Variants in KCNAB1 observed in about 807,000 individuals in gnomAD.
KCNAB1 encodes voltage-gated potassium channel subunit beta-1.
In KCNAB1, 35 loss-of-function variants were observed where a neutral mutation model predicts 64.6. That is an observed-to-expected ratio of 0.54 (90% CI 0.41 to 0.72). KCNAB1 has a LOEUF of 0.72. Ranked by LOEUF, KCNAB1 falls within the 30% of genes least tolerant of loss-of-function variation. The probability of loss-of-function intolerance (pLI) is 0.00; values close to 1 mark genes in which losing one functional copy is unlikely to be tolerated. For missense variants in KCNAB1, 401 were observed against 512.9 expected (o/e 0.78, Z 2.11); for synonymous variants, 177 against 183.8 (o/e 0.96, Z 0.30).
At chr3:156,309,000 T>G (rs1012085852) in intron 1 of KCNAB1, among the ~76,000 whole-genome samples, 2 of 152,196 alleles carry the variant, frequency 1.3e-5, no homozygotes, top group Non-Finnish European at 2.9e-5. Flanking sequence ...TCCCTTTTAA[T>G]TGGGGGTCCA....
chr3:156,451,778 G>GT (rs1241455199), intron 2 of KCNAB1, among the ~76,000 whole-genome samples: 2 of 151,948 alleles, frequency 1.3e-5, no homozygotes, highest in Non-Finnish European at 2.9e-5. Flanking sequence ...GCACTCTCTG[G>GT]AGTTTCCCAC....
chr3:156,147,182 T>C (rs1414746049), intron 1 of KCNAB1, among the ~76,000 whole-genome samples: 1 of 152,146 alleles, frequency 6.6e-6, no homozygotes, highest in Non-Finnish European at 1.5e-5. Flanking sequence ...CAGCATTAAA[T>C]TGTGAAGAGG....
intron 1 of KCNAB1, among the ~76,000 whole-genome samples, chr3:156,201,812 G>A (rs556596184): frequency 2.6e-5 from 4 of 152,180 alleles, no homozygotes; most frequent in East Asian, 1.9e-4. Context: ...GGGAGGCTGC[G>A]GTGTGGGGAG....
At chr3:156,525,300 C>T (rs1266736852) in intron 12 of KCNAB1, among the ~76,000 whole-genome samples, 7 of 151,412 alleles carry the variant, frequency 4.6e-5, no homozygotes, top group Non-Finnish European at 8.8e-5. Context: ...GGAGGTGGAA[C>T]ATAGTGATGG....
intron 1 of KCNAB1, among the ~76,000 whole-genome samples, chr3:156,197,125 A>C (rs1311394798): frequency 6.6e-6 from 1 of 152,164 alleles, no homozygotes; most frequent in Non-Finnish European, 1.5e-5. Context: ...TGTATGTTGA[A>C]CCAGCCTTGC....
At chr3:156,483,560 C>T (rs1322428610) in intron 8 of KCNAB1, among the ~76,000 whole-genome samples, 2 of 152,068 alleles carry the variant, frequency 1.3e-5, no homozygotes, top group Non-Finnish European at 2.9e-5. Context: ...TTACCATGCT[C>T]ATCATATAAA....
chr3:156,529,250 A>G (rs147075096), intron 12 of KCNAB1, among the ~76,000 whole-genome samples: 6 of 152,358 alleles, frequency 3.9e-5, no homozygotes, highest in African/African-American at 1.4e-4. Flanking sequence ...CACCTATTGT[A>G]TGATTCCATT....
intron 1 of KCNAB1, among the ~76,000 whole-genome samples, chr3:156,188,677 C>G (rs1039777687): frequency 2.6e-5 from 4 of 152,140 alleles, no homozygotes; most frequent in African/African-American, 9.7e-5. Flanking sequence ...CAGTATGCTT[C>G]ATCTATTCTG....
chr3:156,350,665 C>T (rs1426364480), intron 1 of KCNAB1, among the ~76,000 whole-genome samples: 1 of 152,124 alleles, frequency 6.6e-6, no homozygotes, highest in African/African-American at 2.4e-5. Context: ...GCTTCATAAC[C>T]TTTGCCTCCT....
rs761162157 is a variant in KCNAB1 at position 156,523,892 on chromosome 3, A to G, written c.1026A>G (p.Lys342=). 1.2e-6 allele frequency: 2 copies of G among 1,614,072 alleles called. No individual in the cohort carries two copies. Among genetic ancestry groups the G allele is most frequent in the South Asian group, 1.1e-5 (1 of 91,070 alleles). The change falls in exon 12 of 14, where the codon AAA becomes AAG. Residue 342 remains lysine, a synonymous_variant. Coordinates refer to ENST00000490337, the MANE Select transcript of KCNAB1 (RefSeq NM_172160.3). ...EEGRKQQNKL[K]DLSPIAERLG... ...GGAGAAAACAGCAAAACAAGCTAAA[A>G]GACCTTTCCCCAATTGCGGAGCGTC...
At chr3:156,224,264 C>T (rs1276703600) in intron 1 of KCNAB1, among the ~76,000 whole-genome samples, 3 of 152,242 alleles carry the variant, frequency 2.0e-5, no homozygotes, top group Non-Finnish European at 2.9e-5. Context: ...TCGTGCTGGC[C>T]CGCAAGCACC....
At chr3:156,407,769 T>C (rs183061988) in intron 1 of KCNAB1, among the ~76,000 whole-genome samples, 2 of 152,296 alleles carry the variant, frequency 1.3e-5, no homozygotes, top group Admixed American at 6.5e-5. Flanking sequence ...GTGAACATGA[T>C]CTCTTCCAGC....
At chr3:156,195,735 A>T (rs1402840877) in intron 1 of KCNAB1, among the ~76,000 whole-genome samples, 1 of 151,986 alleles carries the variant, frequency 6.6e-6, no homozygotes, top group Non-Finnish European at 1.5e-5. Flanking sequence ...CATTCTGTAG[A>T]TTGCCTGTTC....
intron 1 of KCNAB1, among the ~76,000 whole-genome samples, chr3:156,317,225 A>G (rs2108017884): frequency 6.6e-6 from 1 of 152,340 alleles, no homozygotes; most frequent in African/African-American, 2.4e-5. Flanking sequence ...AGACATATCC[A>G]CAGGACTAAT....
intron 1 of KCNAB1, among the ~76,000 whole-genome samples, chr3:156,310,665 G>A (rs545857592): frequency 2.6e-5 from 4 of 152,246 alleles, no homozygotes; most frequent in East Asian, 1.9e-4. Context: ...TTAGCCGGGC[G>A]GGGTGGCGGG....
rs1340947425 is a variant in KCNAB1 at position 156,536,949 on chromosome 3, T to TTCTTA, written c.*207_*211dup. On this transcript the variant is annotated 3_prime_UTR_variant, in exon 14 of 14. Coordinates refer to ENST00000490337, the MANE Select transcript of KCNAB1 (RefSeq NM_172160.3). ...CACAACCAAGAAAATCCATTCTATT[T>TTCTTA]TCTTATCTTGGACTGGAGTCACCTA... 1 of 597,656 alleles carries TTCTTA rather than the reference T, an allele frequency of 1.7e-6. No individual in the cohort carries two copies. The highest frequency in any genetic ancestry group is 3.0e-6 in the Non-Finnish European group (1 of 336,478). 37.0% of individuals were successfully genotyped at this position (597,656 alleles called of 1,614,324 possible).
chr3:156,167,194 G>C (rs1218167291), intron 1 of KCNAB1, among the ~76,000 whole-genome samples: 2 of 152,150 alleles, frequency 1.3e-5, no homozygotes, highest in East Asian at 3.9e-4. Context: ...CTTCCTCTAA[G>C]AGTGGACAAT....
intron 2 of KCNAB1, among the ~76,000 whole-genome samples, chr3:156,425,361 T>C (rs1314316531): frequency 6.6e-6 from 1 of 152,176 alleles, no homozygotes; most frequent in Non-Finnish European, 1.5e-5. Flanking sequence ...AATGTGTAAA[T>C]GGGAGTAGAA....
chr3:156,216,026 C>A (rs1715297821), intron 1 of KCNAB1, among the ~76,000 whole-genome samples: 1 of 152,156 alleles, frequency 6.6e-6, no homozygotes, highest in South Asian at 2.1e-4. Context: ...CAAGATTTTG[C>A]TTTGCTTCTG....
Sources: allele counts gnomAD v4.1 joint callset (sites outside exome capture counted in the v4.1 genomes callset), GRCh38; gene constraint gnomAD v4.1.1; transcripts MANE v1.5; gene names NCBI Gene and HGNC (gene_info 2026-07-23, HGNC 2026-07-21).